Variants in FTO observed in about 807,000 individuals in gnomAD.
FTO encodes the protein alpha-ketoglutarate-dependent dioxygenase FTO.
Under a neutral mutation model 63.9 loss-of-function variants are expected in FTO, and 47 were observed. The observed-to-expected ratio is 0.74, with a 90% CI of 0.58 to 0.94. The LOEUF (loss-of-function observed/expected upper bound fraction) is 0.94, where lower values mean the gene tolerates loss of function less well. Ranked by LOEUF, FTO falls within the 40% of genes least tolerant of loss-of-function variation. The pLI is 0.00. For missense variants in FTO, 562 were observed against 618.1 expected, an observed-to-expected ratio of 0.91 and a Z score of 0.96; for synonymous variants, 207 against 224.4, an observed-to-expected ratio of 0.92 and a Z score of 0.69.
In FTO at chr16:53,850,199, C is replaced by G. The variant is rs1051498809; in HGVS notation, c.895+5901C>G. Among the ~76,000 whole-genome samples the G allele has an allele frequency of 5.3e-5, 8 of 152,266 alleles. No homozygotes were observed. The South Asian group carries it at 6.2e-4, about 12-fold the overall frequency. On this transcript the variant is annotated intron_variant, in intron 4 of 8. Transcript: ENST00000471389. ...TTTAAGTGGAAAGTGCTTGAACAGC[C>G]AAATGAGCACCTGTCATGTTTATTT...
intron 8 of FTO, among the ~76,000 whole-genome samples, chr16:54,068,511 G>A (rs2085785578): frequency 6.6e-6 from 1 of 152,034 alleles, no homozygotes; most frequent in African/African-American, 2.4e-5. Context: ...TTGTTCACAT[G>A]TCCCCATGGC....
chr16:53,993,294 A>G (rs1392654178), intron 8 of FTO: 1 of 152,216 alleles, frequency 6.6e-6, no homozygotes, highest in African/African-American at 2.4e-5. Context: ...AATGTGAAAG[A>G]GGATTCTAAT....
intron 7 of FTO, among the ~76,000 whole-genome samples, chr16:53,900,217 A>G (rs2081367948): frequency 6.6e-6 from 1 of 152,082 alleles, no homozygotes; most frequent in Non-Finnish European, 1.5e-5. Flanking sequence ...TTTTTCTTTA[A>G]TGTGAGAAAG....
At chr16:53,888,974 C>T (rs376396170) in intron 7 of FTO, 23 bp downstream of exon 7, 96 of 1,613,272 alleles carry the variant, frequency 6.0e-5, no homozygotes, top group African/African-American at 1.1e-4. Flanking sequence ...GACCTGGGAC[C>T]GTGTTTTCTG....
At chr16:54,006,522 T>C (rs1270498676) in intron 8 of FTO, among the ~76,000 whole-genome samples, 1 of 152,210 alleles carries the variant, frequency 6.6e-6, no homozygotes, top group African/African-American at 2.4e-5. Flanking sequence ...AAAGAAATAA[T>C]GGGAAATACA....
At chr16:54,007,140 G>A (rs61398127) in intron 8 of FTO, among the ~76,000 whole-genome samples, 1,741 of 152,258 alleles carry the variant, frequency 0.011, 34 homozygotes, top group African/African-American at 0.039. Context: ...GGGGATACGA[G>A]GTGTACATAC....
intron 1 of FTO, among the ~76,000 whole-genome samples, chr16:53,767,510 A>G (rs1351452154): frequency 6.6e-6 from 1 of 152,044 alleles, no homozygotes; most frequent in East Asian, 1.9e-4. Flanking sequence ...TAATAAAAAA[A>G]ATAAAAAATA....
chr16:53,997,260 C>T (rs527368120), intron 8 of FTO, among the ~76,000 whole-genome samples: 2 of 151,926 alleles, frequency 1.3e-5, no homozygotes, highest in South Asian at 2.1e-4. Context: ...CATCAGATCT[C>T]GTGAGAACTC....
intron 8 of FTO, among the ~76,000 whole-genome samples, chr16:54,077,497 C>T (rs1217424161): frequency 6.6e-6 from 1 of 152,078 alleles, no homozygotes; most frequent in Non-Finnish European, 1.5e-5. Context: ...AGTAAAGGCC[C>T]AGTAGTCATC....
intron 8 of FTO, among the ~76,000 whole-genome samples, chr16:54,027,248 C>G (rs986096059): frequency 6.6e-6 from 1 of 152,166 alleles, no homozygotes; most frequent in African/African-American, 2.4e-5. Flanking sequence ...ACTGCCCCAG[C>G]AACCCAACCC....
At chr16:53,874,125 T>G (rs2080580484) in intron 5 of FTO, among the ~76,000 whole-genome samples, 1 of 152,160 alleles carries the variant, frequency 6.6e-6, no homozygotes, top group African/African-American at 2.4e-5. Context: ...CGTTGACAAG[T>G]GTTTATAGTT....
At chr16:53,784,439 G>T in intron 1 of FTO, among the ~76,000 whole-genome samples, 1 of 152,122 alleles carries the variant, frequency 6.6e-6, no homozygotes, top group East Asian at 1.9e-4. Flanking sequence ...TACTTTTTCT[G>T]TGGAACAAAA....
chr16:54,075,062 G>T (rs2085961254), intron 8 of FTO, among the ~76,000 whole-genome samples: 1 of 151,858 alleles, frequency 6.6e-6, no homozygotes, highest in South Asian at 2.1e-4. Flanking sequence ...ATATTTAAAG[G>T]CTATTTCTAT....
intron 8 of FTO, among the ~76,000 whole-genome samples, chr16:54,082,013 C>T (rs193022139): frequency 6.1e-4 from 93 of 152,306 alleles, no homozygotes; most frequent in Non-Finnish European, 9.6e-4. Context: ...TCTACCGCCC[C>T]GTCAGACAGG....
intron 8 of FTO, among the ~76,000 whole-genome samples, chr16:53,976,820 CAG>C (rs780398468): frequency 2.0e-5 from 3 of 152,172 alleles, no homozygotes; most frequent in Non-Finnish European, 4.4e-5. Flanking sequence ...AATGGAATTA[CAG>C]ATATGTCTGG....
chr16:54,118,590 T>G lies in FTO; in HGVS notation c.*6675T>G, dbSNP rs2086987430. 6.6e-6 allele frequency: 1 copy of G among 152,136 alleles called. No homozygotes were observed. Among genetic ancestry groups the G allele is most frequent in the Non-Finnish European group, 1.5e-5 (1 of 68,042 alleles). The allele number at this position is 152,136 out of a possible 1,614,324, so 9.4% of individuals were successfully genotyped here. On this transcript the variant is annotated 3_prime_UTR_variant, in exon 9 of 9. Coordinates refer to ENST00000471389, the MANE Select transcript of FTO (RefSeq NM_001080432.3). Reference sequence around the variant, plus strand: ...CTGGTTTCAAACTCCGAGGCTCAAGTGATCTGCCTGCATCGGCCTCCCAAA... The same window carrying G: ...CTGGTTTCAAACTCCGAGGCTCAAGGGATCTGCCTGCATCGGCCTCCCAAA...
chr16:54,074,117 C>T (rs567509084), intron 8 of FTO, among the ~76,000 whole-genome samples: 169 of 151,734 alleles, frequency 1.1e-3, no homozygotes, highest in Admixed American at 4.2e-3. Context: ...TATTTCAATA[C>T]TTCTGTGAAA....
At chr16:53,856,204 C>T (rs1041671340) in intron 4 of FTO, among the ~76,000 whole-genome samples, 6 of 151,812 alleles carry the variant, frequency 4.0e-5, no homozygotes, top group Admixed American at 1.3e-4. Context: ...TTTTTTCAGT[C>T]GATCTTTATT....
At chr16:53,771,395 T>A (rs1193139264) in intron 1 of FTO, among the ~76,000 whole-genome samples, 1 of 152,108 alleles carries the variant, frequency 6.6e-6, no homozygotes, top group African/African-American at 2.4e-5. Flanking sequence ...TTACAACGTC[T>A]CCTTCTGCCA....
Sources: gnomAD v4.1 joint callset for allele counts (sites outside exome capture counted in the v4.1 genomes callset) on GRCh38, gnomAD v4.1.1 for gene constraint, MANE v1.5 for transcripts, NCBI Gene and HGNC (gene_info 2026-07-23, HGNC 2026-07-21) for gene names.